The following CECR2 variants were observed in gnomAD, a reference collection of about 807,000 sequenced individuals.
The protein encoded by CECR2 is chromatin remodeling regulator CECR2.
Under a neutral mutation model 154.5 loss-of-function variants are expected in CECR2, and 30 were observed. The ratio of observed to expected loss-of-function variants is 0.19; its 90% CI spans 0.15 to 0.26. The LOEUF is 0.26. Among genes scored for constraint, CECR2 ranks in the 10% least tolerant of loss-of-function variants. CECR2 has a pLI of 1.00. For missense variants in CECR2, 1,743 were observed against 1,829.3 expected (o/e 0.95, Z 0.86); for synonymous variants, 725 against 683.7 (o/e 1.06, Z -0.94).
At chr22:17,385,844 G>A (rs2063252957) in intron 1 of CECR2, among the ~76,000 whole-genome samples, 1 of 152,242 alleles carries the variant, frequency 6.6e-6, no homozygotes, top group Admixed American at 6.5e-5. Flanking sequence ...ATGAACCGCT[G>A]ATGGTAGTGG....
Position 17,540,716 on chromosome 22 carries a change from G to C in CECR2, c.1800G>C (p.Glu600Asp). ...GCAGCTCCACACAGCCCCCGCGGGA[G>C]GTGGGCACTTCCAATGGCCGAGGTT... ...QSSSSTQPPR[E>D]VGTSNGRGFS... Residue 600 changes from glutamate (E) to aspartate (D), a missense_variant, in exon 14 of 19, where the codon GAG becomes GAC. Transcript: ENST00000262608. The C allele has an allele frequency of 1.9e-6, 3 of 1,613,064 alleles. No homozygotes were observed. Among genetic ancestry groups the C allele is most frequent in the Non-Finnish European group, 1.7e-6 (2 of 1,179,458 alleles).
intron 5 of CECR2, among the ~76,000 whole-genome samples, chr22:17,501,374 C>T (rs374421206): frequency 1.3e-5 from 2 of 152,034 alleles, no homozygotes; most frequent in Non-Finnish European, 2.9e-5. Flanking sequence ...CTGGCTAACA[C>T]GGTGAAACCC....
chr22:17,364,705 GTGGTGCCACGCACC>G (rs1233022233), upstream of CECR2, among the ~76,000 whole-genome samples: 1 of 152,100 alleles, frequency 6.6e-6, no homozygotes, highest in East Asian at 1.9e-4. Flanking sequence ...TTAGCTGGGA[GTGGTGCCACGCACC>G]TATAGGCTGA....
intron 1 of CECR2, among the ~76,000 whole-genome samples, chr22:17,464,887 T>C (rs1399112203): frequency 6.6e-6 from 1 of 152,222 alleles, no homozygotes; most frequent in Non-Finnish European, 1.5e-5. Context: ...GTACTTCTGA[T>C]AGTATTTTCT....
intron 17 of CECR2, among the ~76,000 whole-genome samples, chr22:17,550,933 C>T (rs1448377382): frequency 6.6e-6 from 1 of 151,894 alleles, no homozygotes; most frequent in Non-Finnish European, 1.5e-5. Flanking sequence ...CAGAGCAAGA[C>T]TCTGTCTCAA....
At chr22:17,526,245 C>T (rs1208157766) in intron 9 of CECR2, among the ~76,000 whole-genome samples, 1 of 152,202 alleles carries the variant, frequency 6.6e-6, no homozygotes, top group Non-Finnish European at 1.5e-5. Context: ...TACCTGACTT[C>T]AAATTGTATT....
chr22:17,490,768 T>C (rs536046168), intron 2 of CECR2, among the ~76,000 whole-genome samples: 3 of 152,092 alleles, frequency 2.0e-5, no homozygotes, highest in Admixed American at 6.6e-5. Context: ...TTTTTTAAAG[T>C]GTACAATTCA....
intron 1 of CECR2, among the ~76,000 whole-genome samples, chr22:17,421,353 T>C (rs1027497345): frequency 1.3e-4 from 19 of 151,722 alleles, no homozygotes; most frequent in South Asian, 2.1e-4. Context: ...CGGTGGCTCA[T>C]GCCTGTAATC....
chr22:17,446,987 GC>G (rs2054677744), intron 1 of CECR2, among the ~76,000 whole-genome samples: 2 of 150,082 alleles, frequency 1.3e-5, no homozygotes, highest in Non-Finnish European at 2.9e-5. Flanking sequence ...TAGACACAGT[GC>G]CGATTGGTGC....
chr22:17,464,525 T>C (rs1019117683), intron 1 of CECR2, among the ~76,000 whole-genome samples: 1 of 152,160 alleles, frequency 6.6e-6, no homozygotes, highest in Admixed American at 6.5e-5. Flanking sequence ...GGTCTCTCTC[T>C]TCTCTGCTTG....
chr22:17,405,458 T>TGTAAA (rs2053967690), intron 1 of CECR2, among the ~76,000 whole-genome samples: 1 of 110,934 alleles, frequency 9.0e-6, no homozygotes, highest in Non-Finnish European at 2.0e-5. Flanking sequence ...AAATAAAAAA[T>TGTAAA]ATAAAATAAA....
intron 1 of CECR2, among the ~76,000 whole-genome samples, chr22:17,422,138 CTTTT>C (rs1460572349): frequency 6.6e-6 from 1 of 151,614 alleles, no homozygotes; most frequent in South Asian, 2.1e-4. Flanking sequence ...TGTTTTCTTT[CTTTT>C]CTTTATGTGT....
chr22:17,434,489 C>T (rs1488729192), intron 1 of CECR2, among the ~76,000 whole-genome samples: 2 of 152,184 alleles, frequency 1.3e-5, no homozygotes, highest in East Asian at 3.8e-4. Context: ...GGTGGCAGTA[C>T]AGTAGGCCTT....
intron 1 of CECR2, among the ~76,000 whole-genome samples, chr22:17,385,338 C>T (rs1318696908): frequency 6.6e-6 from 1 of 152,172 alleles, no homozygotes; most frequent in Non-Finnish European, 1.5e-5. Context: ...TTAATCATTT[C>T]TAGCTTTTGA....
At chr22:17,490,155 G>GTT (rs1048394380) in intron 2 of CECR2, among the ~76,000 whole-genome samples, 7 of 151,194 alleles carry the variant, frequency 4.6e-5, no homozygotes, top group African/African-American at 1.7e-4. Context: ...TTTTGTGTGT[G>GTT]TGTGTGTGTG....
chr22:17,548,399 G>A lies in CECR2; in HGVS notation c.3112G>A (p.Gly1038Arg), dbSNP rs1362431999. ...CAGCTACCCCGGCCCAGCCGCCCAA[G>A]GGTGCGTGAGAGACCTCTCCACGGT... Reference protein sequence around the residue: ...DSSYPGPAAQGCVRDLSTVAD... With the variant: ...DSSYPGPAAQRCVRDLSTVAD... The change falls in exon 17 of 19, where the codon GGG becomes AGG. Residue 1038 changes from glycine to arginine, a missense_variant. This residue lies in a region of CECR2 where 1,250 missense variants were observed against 1,192.1 expected (regional missense o/e 1.05). Transcript: ENST00000262608. 1 of 1,613,838 alleles carries A rather than the reference G, an allele frequency of 6.2e-7. No homozygotes were observed. Among genetic ancestry groups the A allele is most frequent in the Non-Finnish European group, 8.5e-7 (1 of 1,179,788 alleles).
intron 9 of CECR2, among the ~76,000 whole-genome samples, chr22:17,525,516 G>C (rs890282434): frequency 2.0e-5 from 3 of 152,104 alleles, no homozygotes; most frequent in African/African-American, 7.2e-5. Flanking sequence ...TGAGGTGGGA[G>C]AATTGCTTGA....
chr22:17,364,536 G>A (rs1157557182), upstream of CECR2, among the ~76,000 whole-genome samples: 3 of 152,138 alleles, frequency 2.0e-5, no homozygotes, highest in Admixed American at 1.3e-4. Context: ...GAGAGGCAGC[G>A]CACAGTGGCT....
At chr22:17,374,382 C>T (rs1302529545) in intron 1 of CECR2, among the ~76,000 whole-genome samples, 1 of 152,016 alleles carries the variant, frequency 6.6e-6, no homozygotes, top group Non-Finnish European at 1.5e-5. Flanking sequence ...GATTGTTAAA[C>T]ATTAAGTAAT....
Sources: gnomAD v4.1 joint callset for allele counts (sites outside exome capture counted in the v4.1 genomes callset) on GRCh38, gnomAD v4.1.1 for gene constraint, gnomAD v4.1.1 regional missense constraint, MANE v1.5 for transcripts, NCBI Gene and HGNC (gene_info 2026-07-23, HGNC 2026-07-21) for gene names.